CUX1: variants seen among roughly 807,000 people sequenced by gnomAD.
CUX1 encodes the protein protein CASP.
In CUX1, 31 loss-of-function variants were observed where a neutral mutation model predicts 158.8. The observed-to-expected ratio is 0.20, with a 90% CI of 0.15 to 0.26. The LOEUF is 0.26. Ranked by LOEUF, CUX1 falls within the 10% of genes least tolerant of loss-of-function variation. CUX1 has a pLI of 1.00. For missense variants in CUX1, 1,589 were observed against 2,014.6 expected, an observed-to-expected ratio of 0.79 and a Z score of 4.04; for synonymous variants, 879 against 862.1, an observed-to-expected ratio of 1.02 and a Z score of -0.34.
chr7:101,903,839 A>G (rs538466877), intron 1 of CUX1, among the ~76,000 whole-genome samples: 1 of 152,244 alleles, frequency 6.6e-6, no homozygotes, highest in African/African-American at 2.4e-5. Flanking sequence ...AAACAAAAAA[A>G]CAAATTCTTG....
chr7:102,151,079 T>C (rs1835598106), intron 8 of CUX1, among the ~76,000 whole-genome samples: 1 of 152,236 alleles, frequency 6.6e-6, no homozygotes, highest in South Asian at 2.1e-4. Context: ...TGGAATACTG[T>C]TGACACTCAC....
chr7:101,958,323 G>T (rs1810012513), intron 2 of CUX1, among the ~76,000 whole-genome samples: 2 of 152,030 alleles, frequency 1.3e-5, no homozygotes, highest in Non-Finnish European at 1.5e-5. Flanking sequence ...GGCTGTCGTG[G>T]GAACTGGGCC....
At chr7:101,860,179 T>G (rs1269060173) in intron 1 of CUX1, among the ~76,000 whole-genome samples, 2 of 152,160 alleles carry the variant, frequency 1.3e-5, no homozygotes, top group Non-Finnish European at 2.9e-5. Flanking sequence ...TGTCGCTGTT[T>G]GGTATTTTGA....
At chr7:102,112,009 C>T (rs543720454) in intron 7 of CUX1, 73 of 460,922 alleles carry the variant, frequency 1.6e-4, no homozygotes, top group Non-Finnish European at 1.1e-4. Context: ...CATTTTCATC[C>T]CTTCCACACG....
intron 1 of CUX1, among the ~76,000 whole-genome samples, chr7:101,823,329 G>A (rs957167048): frequency 1.3e-5 from 2 of 152,336 alleles, no homozygotes; most frequent in African/African-American, 4.8e-5. Flanking sequence ...AACACTGCCA[G>A]CAACTCAAGA....
chr7:101,832,676 C>T (rs1794184405), intron 1 of CUX1, among the ~76,000 whole-genome samples: 1 of 152,212 alleles, frequency 6.6e-6, no homozygotes, highest in South Asian at 2.1e-4. Context: ...CCGAACCTTT[C>T]AAAATTATGT....
chr7:102,196,548 G>A, intron 14 of CUX1, 86 bp from the exon 15 acceptor site: 5 of 1,278,948 alleles, frequency 3.9e-6, no homozygotes, highest in South Asian at 2.2e-5. Flanking sequence ...TCCCTTTTGC[G>A]GGGGCAAACT....
intron 9 of CUX1, among the ~76,000 whole-genome samples, chr7:102,162,888 G>A (rs963766194): frequency 2.0e-5 from 3 of 152,134 alleles, no homozygotes; most frequent in Admixed American, 1.3e-4. Context: ...GAGAGAGTGA[G>A]CTCCCTGTCA....
chr7:102,226,697 C>G (rs1280631504), intron 20 of CUX1, among the ~76,000 whole-genome samples: 1 of 152,132 alleles, frequency 6.6e-6, no homozygotes, highest in Non-Finnish European at 1.5e-5. Flanking sequence ...GTGGCACAAT[C>G]TTGGCTCACT....
At chr7:101,853,046 C>T (rs997618183) in intron 1 of CUX1, among the ~76,000 whole-genome samples, 1 of 152,072 alleles carries the variant, frequency 6.6e-6, no homozygotes, top group Non-Finnish European at 1.5e-5. Flanking sequence ...AGTTGCATAC[C>T]ATGCATTTTG....
At chr7:102,029,648 G>A (rs1456872146) in intron 3 of CUX1, among the ~76,000 whole-genome samples, 2 of 152,090 alleles carry the variant, frequency 1.3e-5, no homozygotes, top group African/African-American at 4.8e-5. Context: ...AATTTTCGAG[G>A]GCAGAACAGT....
intron 2 of CUX1, among the ~76,000 whole-genome samples, chr7:101,922,991 G>T (rs188782768): frequency 1.3e-3 from 196 of 152,362 alleles, no homozygotes; most frequent in African/African-American, 4.5e-3. Context: ...TTTTCCGTTT[G>T]CCGTTTGCTT....
chr7:101,937,574 G>A (rs1218406991), intron 2 of CUX1, among the ~76,000 whole-genome samples: 2 of 151,346 alleles, frequency 1.3e-5, no homozygotes, highest in Admixed American at 6.6e-5. Context: ...GCAGTAGCAC[G>A]ATCTTGGCCC....
intron 1 of CUX1, among the ~76,000 whole-genome samples, chr7:101,915,460 C>T (rs903036446): frequency 3.3e-5 from 5 of 152,198 alleles, no homozygotes; most frequent in Admixed American, 6.5e-5. Flanking sequence ...AATGGTGCCT[C>T]ATTTCTGAAA....
At chr7:102,072,627 C>T (rs1240785277) in intron 4 of CUX1, among the ~76,000 whole-genome samples, 9 of 152,162 alleles carry the variant, frequency 5.9e-5, no homozygotes, top group South Asian at 2.1e-4. Context: ...AGGAAGTAGA[C>T]GCTGGTCCTT....
intron 6 of CUX1, among the ~76,000 whole-genome samples, chr7:102,108,367 A>G (rs928519805): frequency 6.6e-5 from 10 of 152,172 alleles, no homozygotes; most frequent in African/African-American, 1.4e-4. Flanking sequence ...GTTTTTTGAG[A>G]CAGAGTCTTG....
intron 2 of CUX1, among the ~76,000 whole-genome samples, chr7:101,939,041 CAAAA>C (rs561235456): frequency 1.5e-5 from 1 of 68,226 alleles, no homozygotes; most frequent in Non-Finnish European, 2.7e-5. Context: ...AACTCTGTCT[CAAAA>C]AAAAAAAAAA....
At chr7:101,962,503 T>C (rs1011519671) in intron 2 of CUX1, among the ~76,000 whole-genome samples, 3 of 152,226 alleles carry the variant, frequency 2.0e-5, no homozygotes, top group African/African-American at 2.4e-5. Context: ...GAACTGTTAC[T>C]TGTCTTCTGT....
intron 8 of CUX1, chr7:102,154,601 C>CAAATAAATAAATAAATAAATAAAT (rs56874742): frequency 6.7e-6 from 1 of 148,704 alleles, no homozygotes; most frequent in African/African-American, 2.5e-5. Context: ...AGCTTGTCTC[C>CAAATAAATAAATAAATAAATAAAT]AAATAAATAA....
Sources: allele counts gnomAD v4.1 joint callset (sites outside exome capture counted in the v4.1 genomes callset), GRCh38; gene constraint gnomAD v4.1.1; transcripts MANE v1.5; gene names NCBI Gene and HGNC (gene_info 2026-07-23, HGNC 2026-07-21).